HS6ST2: variants seen among roughly 807,000 people sequenced by gnomAD.
HS6ST2 encodes heparan sulfate 6-O-sulfotransferase 2.
A neutral mutation model predicts 33.0 loss-of-function variants in HS6ST2; 17 were observed. The ratio of observed to expected loss-of-function variants is 0.52; its 90% CI spans 0.35 to 0.77. The LOEUF is 0.77. Among genes scored for constraint, HS6ST2 ranks in the 30% least tolerant of loss-of-function variants. The pLI, the probability that HS6ST2 is intolerant of heterozygous loss-of-function variation, is 0.01. For missense variants in HS6ST2, 519 were observed against 551.7 expected, an observed-to-expected ratio of 0.94 and a Z score of 0.59; for synonymous variants, 248 against 237.1, an observed-to-expected ratio of 1.05 and a Z score of -0.42.
At chrX:132,769,197 C>G (rs944417167) in intron 2 of HS6ST2, among the ~76,000 whole-genome samples, 1 of 112,148 alleles carries the variant, frequency 8.9e-6, no homozygotes, top group African/African-American at 3.2e-5. Context: ...AAATTAAACC[C>G]ATCAGGCAAA....
intron 2 of HS6ST2, among the ~76,000 whole-genome samples, chrX:132,778,812 C>T (rs984247002): frequency 1.8e-5 from 2 of 111,846 alleles, no homozygotes; most frequent in South Asian, 7.5e-4. Context: ...TTTTCTTTTT[C>T]TCCAAGGCCT....
intron 2 of HS6ST2, among the ~76,000 whole-genome samples, chrX:132,902,772 T>A (rs1023118814): frequency 9.0e-6 from 1 of 111,563 alleles, no homozygotes; most frequent in Admixed American, 9.6e-5. Flanking sequence ...TGATAATCAA[T>A]AGCTTAAAGA....
chrX:132,841,965 G>C (rs778790107), intron 2 of HS6ST2, among the ~76,000 whole-genome samples: 11 of 111,960 alleles, frequency 9.8e-5, no homozygotes, highest in Non-Finnish European at 1.9e-4. Context: ...GAAGATTGAA[G>C]ATGAAAGACG....
At chrX:132,959,136 T>C (rs1009853919), upstream of HS6ST2, among the ~76,000 whole-genome samples, 4 of 111,255 alleles carry the variant, frequency 3.6e-5, no homozygotes, top group East Asian at 5.7e-4. Flanking sequence ...GTGCCCAAGG[T>C]CACACAGCAG....
intron 2 of HS6ST2, among the ~76,000 whole-genome samples, chrX:132,802,691 C>T (rs1440446009): frequency 9.1e-6 from 1 of 110,400 alleles, no homozygotes; most frequent in Non-Finnish European, 1.9e-5. Flanking sequence ...AATGCACCTT[C>T]ACCTCTGCCT....
chrX:132,864,883 G>A (rs1441227765), intron 2 of HS6ST2, among the ~76,000 whole-genome samples: 9 of 111,564 alleles, frequency 8.1e-5, no homozygotes, highest in Admixed American at 4.7e-4. Flanking sequence ...CCCATCAACG[G>A]AAGCCCATCA....
chrX:132,848,075 C>T (rs1167963941), intron 2 of HS6ST2, among the ~76,000 whole-genome samples: 1 of 111,911 alleles, frequency 8.9e-6, no homozygotes, highest in Non-Finnish European at 1.9e-5. Context: ...GATCTTCCAG[C>T]CCTTAGATTC....
intron 3 of HS6ST2, among the ~76,000 whole-genome samples, chrX:132,707,319 C>T (rs1268821723): frequency 1.8e-5 from 2 of 112,180 alleles, no homozygotes; most frequent in Non-Finnish European, 3.8e-5. Context: ...AAATGTTCTC[C>T]CATACTAATA....
At chrX:132,742,084 C>T (rs1461215226) in intron 2 of HS6ST2, among the ~76,000 whole-genome samples, 4 of 111,976 alleles carry the variant, frequency 3.6e-5, no homozygotes, top group Non-Finnish European at 7.5e-5. Context: ...AGAAAAAAGA[C>T]GTGCACATCT....
intron 2 of HS6ST2, among the ~76,000 whole-genome samples, chrX:132,811,685 AATATATATATAT>A (rs56390608): frequency 1.3e-3 from 38 of 29,808 alleles, no homozygotes; most frequent in African/African-American, 3.4e-3. Context: ...AAGGCTGAAT[AATATATATATAT>A]ATATATATAT....
At chrX:132,897,779 A>T (rs1428360004) in intron 2 of HS6ST2, among the ~76,000 whole-genome samples, 2 of 111,486 alleles carry the variant, frequency 1.8e-5, no homozygotes, top group Non-Finnish European at 3.8e-5. Flanking sequence ...TTAGTAACAT[A>T]TGTGTTTCAA....
rs1284408536 is a variant in HS6ST2 at position 132,881,920 on chromosome X, A to C, written c.947+74888T>G. On this transcript the variant is annotated intron_variant, in intron 2 of 4. Transcript: ENST00000370833. The stretch of plus-strand genomic sequence containing the variant: ...TTCTGGTTTTTGTCAGGTTTGTCAA[A>C]GATCAGATGGTTGTAGATGTGTGGT... Among the ~76,000 whole-genome samples the C allele has an allele frequency of 2.7e-5, 3 of 111,592 alleles. No homozygotes were observed. In the East Asian group the frequency reaches 8.5e-4, roughly 31 times the overall value.
intron 2 of HS6ST2, among the ~76,000 whole-genome samples, chrX:132,925,045 C>T (rs758735442): frequency 9.0e-6 from 1 of 111,265 alleles, no homozygotes; most frequent in African/African-American, 3.3e-5. Context: ...CGCGCCACTG[C>T]ACTCCAGCCT....
chrX:132,806,336 G>T (rs1437662138), intron 2 of HS6ST2, among the ~76,000 whole-genome samples: 1 of 110,047 alleles, frequency 9.1e-6, no homozygotes, highest in Admixed American at 9.7e-5. Context: ...TGTCTTACAT[G>T]GACCTGTGTA....
intron 3 of HS6ST2, among the ~76,000 whole-genome samples, chrX:132,686,161 G>A (rs2064015166): frequency 8.9e-6 from 1 of 112,169 alleles, no homozygotes; most frequent in African/African-American, 3.2e-5. Flanking sequence ...CTGCTGACAG[G>A]TGAGAAAATG....
chrX:132,713,501 G>A (rs1326046718), intron 2 of HS6ST2, among the ~76,000 whole-genome samples: 1 of 110,654 alleles, frequency 9.0e-6, no homozygotes, highest in African/African-American at 3.3e-5. Flanking sequence ...AAGGCCATGC[G>A]GAAAGTAACC....
intron 2 of HS6ST2, among the ~76,000 whole-genome samples, chrX:132,804,799 A>AAAAT (rs953381924): frequency 1.1e-4 from 12 of 111,300 alleles, no homozygotes; most frequent in South Asian, 3.9e-4. Flanking sequence ...AACCTATGTC[A>AAAAT]AAATAAATAA....
intron 2 of HS6ST2, among the ~76,000 whole-genome samples, chrX:132,821,258 G>T (rs1300964075): frequency 1.0e-5 from 1 of 98,438 alleles, no homozygotes; most frequent in Non-Finnish European, 2.0e-5. Flanking sequence ...TGTCGCCCAG[G>T]CTGGAGTGCA....
intron 2 of HS6ST2, among the ~76,000 whole-genome samples, chrX:132,903,836 C>A (rs2066447179): frequency 8.9e-6 from 1 of 112,260 alleles, no homozygotes; most frequent in African/African-American, 3.2e-5. Flanking sequence ...TTTTTAACCA[C>A]AATTCTGTTA....
Sources: allele counts gnomAD v4.1 joint callset (sites outside exome capture counted in the v4.1 genomes callset), GRCh38; gene constraint gnomAD v4.1.1; transcripts MANE v1.5; gene names NCBI Gene and HGNC (gene_info 2026-07-23, HGNC 2026-07-21).